The following RBFOX2 variants were observed in gnomAD, a reference collection of about 807,000 sequenced individuals.
RBFOX2 encodes the protein RNA binding protein fox-1 homolog 2.
RBFOX2 carries 10 observed loss-of-function variants against 49.1 expected under a neutral mutation model. That is an observed-to-expected ratio of 0.20 (90% confidence interval 0.13 to 0.35). RBFOX2 has a LOEUF of 0.35. Ranked by LOEUF, RBFOX2 falls within the 10% of genes least tolerant of loss-of-function variation. RBFOX2 has a pLI of 1.00. For synonymous variants in RBFOX2, 183 were observed against 187.4 expected (o/e 0.98, Z 0.19); for missense variants, 323 against 486.9 (o/e 0.66, Z 3.17).
chr22:35,914,604 A>C (rs2050195681), intron 1 of RBFOX2, among the ~76,000 whole-genome samples: 2 of 152,230 alleles, frequency 1.3e-5, no homozygotes, highest in African/African-American at 4.8e-5. Context: ...AGCTAACTGC[A>C]ATGTCTGCCA....
upstream of RBFOX2, among the ~76,000 whole-genome samples, chr22:35,943,106 C>T (rs2053881697): frequency 6.6e-6 from 1 of 152,212 alleles, no homozygotes; most frequent in Non-Finnish European, 1.5e-5. Context: ...ATACCCAATA[C>T]TTCTACTACT....
At chr22:35,940,501 T>TA (rs2053581475), upstream of RBFOX2, among the ~76,000 whole-genome samples, 3 of 152,280 alleles carry the variant, frequency 2.0e-5, no homozygotes, top group South Asian at 6.2e-4. Context: ...GGTGGGAATG[T>TA]AAAATGGTAT....
intron 1 of RBFOX2, among the ~76,000 whole-genome samples, chr22:35,822,490 T>C (rs1173899105): frequency 6.6e-6 from 1 of 152,222 alleles, no homozygotes; most frequent in East Asian, 1.9e-4. Context: ...CTAAGACTTC[T>C]AATGATCCTC....
intron 1 of RBFOX2, among the ~76,000 whole-genome samples, chr22:35,981,552 G>A (rs559191296): frequency 2.6e-4 from 39 of 150,532 alleles, no homozygotes; most frequent in African/African-American, 8.3e-4. Flanking sequence ...TGAGGCATAA[G>A]AATCCCTTGA....
chr22:35,804,563 C>T (rs893203921), intron 2 of RBFOX2, among the ~76,000 whole-genome samples: 1 of 152,106 alleles, frequency 6.6e-6, no homozygotes, highest in Non-Finnish European at 1.5e-5. Context: ...CTTCTCATCA[C>T]AATCAGCTGA....
upstream of RBFOX2, among the ~76,000 whole-genome samples, chr22:35,844,692 A>G (rs950025969): frequency 1.4e-5 from 2 of 144,782 alleles, no homozygotes; most frequent in African/African-American, 5.1e-5. Flanking sequence ...TTTTTAGTAG[A>G]GATATGTTTC....
intron 1 of RBFOX2, among the ~76,000 whole-genome samples, chr22:35,970,858 AT>A (rs2056832934): frequency 1.3e-5 from 2 of 152,212 alleles, no homozygotes. Context: ...TTAGAATAAA[AT>A]TGCAAAGACC....
At chr22:35,899,024 A>G (rs1175236260) in intron 1 of RBFOX2, among the ~76,000 whole-genome samples, 1 of 152,022 alleles carries the variant, frequency 6.6e-6, no homozygotes, top group Admixed American at 6.6e-5. Flanking sequence ...AGGCTGAGGC[A>G]GGAGAATTGC....
intron 1 of RBFOX2, among the ~76,000 whole-genome samples, chr22:35,894,853 C>T (rs753441403): frequency 1.3e-5 from 2 of 151,728 alleles, no homozygotes; most frequent in African/African-American, 2.4e-5. Flanking sequence ...TCAAACTCAG[C>T]GGTCAGTGGA....
chr22:35,842,965 A>G (rs1473661383), upstream of RBFOX2, among the ~76,000 whole-genome samples: 1 of 152,176 alleles, frequency 6.6e-6, no homozygotes, highest in Non-Finnish European at 1.5e-5. Flanking sequence ...AATTTATTAC[A>G]GGAAAGAATT....
At chr22:35,842,226 A>C (rs946667457), upstream of RBFOX2, among the ~76,000 whole-genome samples, 11 of 152,182 alleles carry the variant, frequency 7.2e-5, no homozygotes, top group African/African-American at 1.7e-4. Flanking sequence ...ATCAGGCTCT[A>C]TTCTGTGCAT....
chr22:35,989,572 G>T (rs2057878617), intron 1 of RBFOX2, among the ~76,000 whole-genome samples: 1 of 152,274 alleles, frequency 6.6e-6, no homozygotes, highest in Admixed American at 6.5e-5. Context: ...TAGAAGGGAG[G>T]AGAGTGAAAA....
chr22:35,740,827 C>T (rs1308895614), exon 12 of RBFOX2: 2 of 152,164 alleles, frequency 1.3e-5, no homozygotes, highest in African/African-American at 2.4e-5. Context: ...TAACTAGTTA[C>T]AGGATGGTAG....
At chr22:35,896,220 C>T (rs547784793) in intron 1 of RBFOX2, among the ~76,000 whole-genome samples, 1 of 152,304 alleles carries the variant, frequency 6.6e-6, no homozygotes, top group South Asian at 2.1e-4. Flanking sequence ...CTCCTCTGCA[C>T]ATCTTCCTCA....
chr22:35,780,971 A>C (rs1344098137), intron 3 of RBFOX2, among the ~76,000 whole-genome samples: 1 of 152,202 alleles, frequency 6.6e-6, no homozygotes, highest in Non-Finnish European at 1.5e-5. Context: ...TGAGGGAGAT[A>C]AGAGGAGAGG....
chr22:35,881,057 G>A (rs916936226), intron 1 of RBFOX2, among the ~76,000 whole-genome samples: 2 of 151,784 alleles, frequency 1.3e-5, no homozygotes, highest in Admixed American at 1.3e-4. Context: ...GAGGTCAGGA[G>A]ATGGAGACCA....
intron 1 of RBFOX2, chr22:35,999,752 A>G (rs1164175678): frequency 2.0e-5 from 3 of 152,072 alleles, no homozygotes; most frequent in African/African-American, 7.2e-5. Context: ...TTAAGCACAC[A>G]CACTGTTGCA....
At chr22:35,806,946 G>T (rs1950858863) in intron 2 of RBFOX2, among the ~76,000 whole-genome samples, 1 of 152,102 alleles carries the variant, frequency 6.6e-6, no homozygotes, top group African/African-American at 2.4e-5. Flanking sequence ...TGGGATTACA[G>T]GCGCACACCA....
intron 1 of RBFOX2, among the ~76,000 whole-genome samples, chr22:35,832,582 A>C (rs1197674565): frequency 6.6e-6 from 1 of 151,998 alleles, no homozygotes; most frequent in Non-Finnish European, 1.5e-5. Flanking sequence ...CCTGTAATCC[A>C]AGCACTCTGG....
Sources: gnomAD v4.1 joint callset for allele counts (sites outside exome capture counted in the v4.1 genomes callset) on GRCh38, gnomAD v4.1.1 for gene constraint, MANE v1.5 for transcripts, NCBI Gene and HGNC (gene_info 2026-07-23, HGNC 2026-07-21) for gene names.